NDUFV3: variants seen among roughly 807,000 people sequenced by gnomAD.
NDUFV3 encodes NADH dehydrogenase [ubiquinone] flavoprotein 3, mitochondrial.
NDUFV3 carries 44 observed loss-of-function variants against 37.5 expected under a neutral mutation model. The ratio of observed to expected loss-of-function variants is 1.17; its 90% CI spans 0.92 to 1.51. The LOEUF (loss-of-function observed/expected upper bound fraction) is 1.51, where lower values mean the gene tolerates loss of function less well. Among genes scored for constraint, NDUFV3 ranks in the 40% most tolerant of loss-of-function variants. NDUFV3 has a pLI of 0.00. For missense variants in NDUFV3, 580 were observed against 580.4 expected, an observed-to-expected ratio of 1.00 and a Z score of 0.01; for synonymous variants, 235 against 239.3, an observed-to-expected ratio of 0.98 and a Z score of 0.17.
At chr21:42,899,391 C>A (rs906308210) in intron 2 of NDUFV3, among the ~76,000 whole-genome samples, 2 of 151,630 alleles carry the variant, frequency 1.3e-5, no homozygotes, top group African/African-American at 2.4e-5. Context: ...CCTGCCTCAG[C>A]CTCCCAAGTA....
At chr21:42,893,490 C>G (rs560597003) in intron 1 of NDUFV3, 109 bp downstream of exon 1, 3 of 1,299,000 alleles carry the variant, frequency 2.3e-6, no homozygotes, top group South Asian at 1.3e-5. Flanking sequence ...GACCTCTAGC[C>G]GTCCTAGTTG....
chr21:42,897,429 T>TTGTTTTGTTTC (rs1233911277), intron 2 of NDUFV3, among the ~76,000 whole-genome samples: 2 of 151,804 alleles, frequency 1.3e-5, no homozygotes, highest in Admixed American at 1.3e-4. Context: ...TGTTTTGTTT[T>TTGTTTTGTTTC]GTTTTGTTTT....
intron 2 of NDUFV3, among the ~76,000 whole-genome samples, chr21:42,899,291 CAG>C (rs2058708508): frequency 5.9e-5 from 2 of 34,184 alleles, no homozygotes; most frequent in African/African-American, 3.5e-4. Flanking sequence ...TTTTTTGAGA[CAG>C]AGTTTTGCTC....
intron 2 of NDUFV3, among the ~76,000 whole-genome samples, chr21:42,898,659 T>C (rs6586261): frequency 0.64 from 97,790 of 151,968 alleles, 33,161 homozygotes; most frequent in African/African-American, 0.85. Flanking sequence ...TCCATACAGA[T>C]GAAGTCTCAC....
chr21:42,905,160 C>G (rs1714338976), intron 3 of NDUFV3, among the ~76,000 whole-genome samples: 1 of 152,214 alleles, frequency 6.6e-6, no homozygotes, highest in Non-Finnish European at 1.5e-5. Flanking sequence ...TTTTTGAAAA[C>G]TGGCAGCTTA....
In NDUFV3 at chr21:42,905,051, A is replaced by G. The variant is rs570896770; in HGVS notation, c.1264+775A>G. ...TGATCAGCCTGCCTCGGCCTCCCAAAGTGCTGGGATTACAGGCCTGAGCCA... is the reference window on the plus strand; with the variant it reads ...TGATCAGCCTGCCTCGGCCTCCCAAGGTGCTGGGATTACAGGCCTGAGCCA... On this transcript the variant is annotated intron_variant, in intron 3 of 3. Coordinates refer to ENST00000354250, the MANE Select transcript of NDUFV3 (RefSeq NM_021075.4). 3.3e-5 allele frequency among the ~76,000 whole-genome samples: 5 copies of G among 152,278 alleles called. No individual in the cohort carries two copies. The South Asian group carries it at 1.0e-3, about 32-fold the overall frequency.
rs1242199681 is a variant in NDUFV3 at position 42,903,394 on chromosome 21, G to A, written c.382G>A (p.Val128Ile). ...GACTTTGGTAGAGTTTCCACAGAAA[G>A]TTCTGTCTCCATTCAGAAAACAGGG... ...RKTLVEFPQK[V>I]LSPFRKQGSD... Residue 128 changes from valine to isoleucine, a missense_variant, in exon 3 of 4, where the codon GTT (valine) becomes ATT (isoleucine). Physicochemically the swap from Val to Ile is conservative, Grantham distance 29. Transcript: ENST00000354250. 6.2e-7 allele frequency: 1 copy of A among 1,614,232 alleles called. No homozygotes were observed. Among genetic ancestry groups the A allele is most frequent in the East Asian group, 2.2e-5 (1 of 44,890 alleles).
intron 2 of NDUFV3, among the ~76,000 whole-genome samples, chr21:42,897,966 G>T (rs138109363): frequency 2.0e-5 from 3 of 152,282 alleles, no homozygotes; most frequent in Admixed American, 1.3e-4. Context: ...GTGAGCCACC[G>T]TGCCCAGTCC....
chr21:42,903,746 C>T lies in NDUFV3; in HGVS notation c.734C>T (p.Pro245Leu). 2.5e-6 allele frequency: 4 copies of T among 1,614,110 alleles called. No homozygotes were observed. Among genetic ancestry groups the T allele is most frequent in the Non-Finnish European group, 3.4e-6 (4 of 1,180,002 alleles). ...TCAGAAGGCAGGGAAAATGCGAGAC[C>T]AAAAACCACAATGCCCAGATCTCAA... ...KPSEGRENAR[P>L]KTTMPRSQVD... Residue 245 changes from proline to leucine, a missense_variant, in exon 3 of 4, where the codon CCA becomes CTA. By Grantham distance (98) the Pro-to-Leu change is moderately conservative. Coordinates refer to ENST00000354250, the MANE Select transcript of NDUFV3 (RefSeq NM_021075.4).
rs758350853 is a variant in NDUFV3, at chr21:42,903,811, C to T, written c.799C>T (p.Gln267Ter). Residue 267 changes from glutamine (Q) to a stop codon, truncating the protein, a stop_gained, in exon 3 of 4, where the codon CAA becomes TAA. Coordinates refer to ENST00000354250, the MANE Select transcript of NDUFV3 (RefSeq NM_021075.4). LOFTEE classifies it high-confidence loss of function. ...EFLKQSLKEK[Q>*]LQKTFRLNEI... is the part of the protein sequence containing the mutation. ...TTTGAAGCAAAGTTTAAAGGAAAAACAATTGCAGAAAACATTTAGATTAAA... is the reference window on the plus strand; with the variant it reads ...TTTGAAGCAAAGTTTAAAGGAAAAATAATTGCAGAAAACATTTAGATTAAA... The T allele has an allele frequency of 5.6e-6, 9 of 1,613,958 alleles. No individual in the cohort carries two copies. The highest frequency in any genetic ancestry group is 1.6e-4 in the Middle Eastern group (1 of 6,084).
rs1437084549 is a variant in NDUFV3 at position 42,894,487 on chromosome 21, AT to A, written c.48+1109del. ...ATAAATATATATTATATATTTATAT[AT>A]TTATATAATATATAATATATATTTA... is the stretch of plus-strand genomic sequence containing the variant. On this transcript the variant is annotated intron_variant, in intron 1 of 3. Coordinates refer to ENST00000354250, the MANE Select transcript of NDUFV3 (RefSeq NM_021075.4). Among the ~76,000 whole-genome samples, 57 of 85,168 alleles carry A rather than the reference AT, an allele frequency of 6.7e-4. 2 individuals are homozygous for A. Among genetic ancestry groups the A allele is most frequent in the Non-Finnish European group, 9.9e-4 (48 of 48,242 alleles). The allele number at this position is 85,168 out of a possible 152,430, so 55.9% of individuals were successfully genotyped here.
chr21:42,894,542 T>A (rs1568854443), intron 1 of NDUFV3, among the ~76,000 whole-genome samples: 2 of 76,104 alleles, frequency 2.6e-5, no homozygotes, highest in Non-Finnish European at 4.7e-5. Flanking sequence ...TATCATAATA[T>A]AATATATAAT....
intron 2 of NDUFV3, 61 bp downstream of exon 2, chr21:42,897,108 C>A: frequency 1.3e-6 from 2 of 1,587,054 alleles, no homozygotes; most frequent in East Asian, 4.6e-5. Flanking sequence ...GATTAGTCAG[C>A]CTTCGAAGCA....
chr21:42,901,980 G>A (rs1000716642), intron 2 of NDUFV3, among the ~76,000 whole-genome samples: 16 of 152,190 alleles, frequency 1.1e-4, no homozygotes, highest in Non-Finnish European at 2.1e-4. Flanking sequence ...AGGCCAAGGC[G>A]GGCAGATCAC....
chr21:42,894,013 C>T (rs1568853499), intron 1 of NDUFV3, among the ~76,000 whole-genome samples: 1 of 151,798 alleles, frequency 6.6e-6, no homozygotes, highest in Non-Finnish European at 1.5e-5. Context: ...TTCAGGAGTT[C>T]GAGACTAGCC....
chr21:42,898,774 C>T (rs2058705826), intron 2 of NDUFV3, among the ~76,000 whole-genome samples: 1 of 152,230 alleles, frequency 6.6e-6, no homozygotes, highest in Non-Finnish European at 1.5e-5. Flanking sequence ...TCCAGCCTAC[C>T]TGGCATGTTT....
intron 1 of NDUFV3, among the ~76,000 whole-genome samples, chr21:42,893,763 G>T (rs2058668973): frequency 6.6e-6 from 1 of 152,264 alleles, no homozygotes; most frequent in Admixed American, 6.5e-5. Flanking sequence ...TTCTCTGAAG[G>T]ACAGTGACTT....
At chr21:42,904,916 G>T (rs1365323307) in intron 3 of NDUFV3, among the ~76,000 whole-genome samples, 3 of 151,382 alleles carry the variant, frequency 2.0e-5, no homozygotes, top group Non-Finnish European at 4.4e-5. Context: ...TCAGCCTCCT[G>T]AGTAGCTGGG....
At chr21:42,905,022 C>T (rs2058735443) in intron 3 of NDUFV3, among the ~76,000 whole-genome samples, 1 of 152,038 alleles carries the variant, frequency 6.6e-6, no homozygotes, top group South Asian at 2.1e-4. Flanking sequence ...ATCTCCTGAC[C>T]TCATGATCAG....
Sources: gnomAD v4.1 joint callset for allele counts (sites outside exome capture counted in the v4.1 genomes callset) on GRCh38, gnomAD v4.1.1 for gene constraint, MANE v1.5 for transcripts, NCBI Gene and HGNC (gene_info 2026-07-23, HGNC 2026-07-21) for gene names.